FRMD4A: variants seen among roughly 807,000 people sequenced by gnomAD.
FRMD4A encodes FERM domain-containing protein 4A.
In FRMD4A, 29 loss-of-function variants were observed where a neutral mutation model predicts 129.1. That is an observed-to-expected ratio of 0.22 (90% CI 0.17 to 0.31). The LOEUF is 0.31. Among genes scored for constraint, FRMD4A ranks in the 10% least tolerant of loss-of-function variants. The pLI, the probability that FRMD4A is intolerant of heterozygous loss-of-function variation, is 1.00. For missense variants in FRMD4A, 1,272 were observed against 1,375.8 expected (o/e 0.92, Z 1.19); for synonymous variants, 634 against 571.6 (o/e 1.11, Z -1.56).
At chr10:13,798,834 C>G (rs1047447914) in intron 4 of FRMD4A, among the ~76,000 whole-genome samples, 3 of 152,242 alleles carry the variant, frequency 2.0e-5, no homozygotes, top group Admixed American at 6.5e-5. Flanking sequence ...AACAGAAGGC[C>G]TGGGTGCCAA....
chr10:14,102,477 C>T (rs1448552402), intron 2 of FRMD4A, among the ~76,000 whole-genome samples: 1 of 152,110 alleles, frequency 6.6e-6, no homozygotes, highest in African/African-American at 2.4e-5. Context: ...TGAGTAATTC[C>T]CTACTTATTT....
chr10:14,311,138 T>C (rs972680872), intron 2 of FRMD4A, among the ~76,000 whole-genome samples: 1 of 152,098 alleles, frequency 6.6e-6, no homozygotes, highest in African/African-American at 2.4e-5. Context: ...TGGCCACCAG[T>C]GCGCCAGCAA....
chr10:14,289,997 C>A (rs779688976), intron 2 of FRMD4A, among the ~76,000 whole-genome samples: 3 of 151,588 alleles, frequency 2.0e-5, no homozygotes, highest in Admixed American at 2.0e-4. Context: ...GAAAAAAATC[C>A]TATTTATAAT....
chr10:14,277,339 T>G (rs767922831), intron 2 of FRMD4A, among the ~76,000 whole-genome samples: 5 of 152,188 alleles, frequency 3.3e-5, no homozygotes, highest in Non-Finnish European at 7.3e-5. Flanking sequence ...GTGATGGTAT[T>G]AGGAAGGGGG....
At chr10:13,693,744 G>T in intron 15 of FRMD4A, 154 bp downstream of exon 15, 1 of 803,732 alleles carries the variant, frequency 1.2e-6, no homozygotes, top group Non-Finnish European at 2.1e-6. Flanking sequence ...TCTCAGATTC[G>T]CATTTGGATC....
chr10:13,823,916 C>T (rs917958576), intron 3 of FRMD4A, among the ~76,000 whole-genome samples: 11 of 152,148 alleles, frequency 7.2e-5, no homozygotes, highest in Admixed American at 2.0e-4. Flanking sequence ...TCCAGTGTAA[C>T]GGACGGAAGG....
chr10:14,258,982 G>A lies in FRMD4A; in HGVS notation c.45+71076C>T, dbSNP rs4558065. On this transcript the variant is annotated intron_variant, in intron 2 of 24. Transcript: ENST00000357447. ...CTGTATAAAATCAGAAATCAGATCA[G>A]CAGTTACTGGGGATGGTGAGGGGTG... 5.1e-3 allele frequency among the ~76,000 whole-genome samples: 778 copies of A among 152,254 alleles called. 8 individuals are homozygous for A. Among genetic ancestry groups the A allele is most frequent in the African/African-American group, 0.018 (734 of 41,542 alleles).
chr10:13,817,540 C>T (rs1285448806), intron 3 of FRMD4A, among the ~76,000 whole-genome samples: 4 of 152,140 alleles, frequency 2.6e-5, no homozygotes, highest in South Asian at 2.1e-4. Context: ...GTGTCAAGGG[C>T]GAGGCCAGGT....
chr10:13,747,846 A>C, intron 8 of FRMD4A, 27 bp from the exon 9 acceptor site: 1 of 1,300,908 alleles, frequency 7.7e-7, no homozygotes, highest in African/African-American at 1.4e-5. Context: ...CCAGAAACGC[A>C]CTCACCCTCT....
Position 14,161,952 on chromosome 10 carries a change from CA to C in FRMD4A, c.45+168105del, listed in dbSNP as rs556432014. On this transcript the variant is annotated intron_variant, in intron 2 of 24. Transcript: ENST00000357447. ...AATATTATGTATCAATATGCAAAGG[CA>C]AAAAAAGGAATAGTTAAAAGTGATT... is the stretch of plus-strand genomic sequence containing the variant. Among the ~76,000 whole-genome samples the C allele has an allele frequency of 3.1e-3, 468 of 149,426 alleles. 2 individuals carry two copies. Among genetic ancestry groups the C allele is most frequent in the Non-Finnish European group, 4.8e-3 (322 of 67,406 alleles).
intron 2 of FRMD4A, among the ~76,000 whole-genome samples, chr10:14,064,185 T>C (rs1834947027): frequency 2.0e-5 from 3 of 152,184 alleles, no homozygotes; most frequent in East Asian, 1.9e-4. Flanking sequence ...CCTTGCAAAA[T>C]GTGACTCAGA....
intron 2 of FRMD4A, among the ~76,000 whole-genome samples, chr10:13,930,722 A>G (rs1277344033): frequency 2.0e-5 from 3 of 152,210 alleles, no homozygotes; most frequent in African/African-American, 7.2e-5. Context: ...ATAACAGTGT[A>G]GAATTAAGAA....
intron 21 of FRMD4A, 100 bp from the exon 22 acceptor site, chr10:13,657,622 C>A: frequency 7.0e-7 from 1 of 1,422,942 alleles, no homozygotes; most frequent in Non-Finnish European, 9.2e-7. Context: ...TGGGTGTCTG[C>A]ACGCGGGCGC....
intron 2 of FRMD4A, among the ~76,000 whole-genome samples, chr10:13,954,138 A>G (rs1019903656): frequency 6.6e-6 from 1 of 152,180 alleles, no homozygotes; most frequent in African/African-American, 2.4e-5. Flanking sequence ...GCTTCTCCGC[A>G]GGTTGGGTTG....
intron 2 of FRMD4A, among the ~76,000 whole-genome samples, chr10:14,058,758 G>A (rs891223103): frequency 5.3e-5 from 8 of 152,122 alleles, no homozygotes; most frequent in Non-Finnish European, 1.0e-4. Flanking sequence ...TATGCCACAG[G>A]GTCCCGGTGA....
rs181591291 is a variant in FRMD4A at position 13,645,289 on chromosome 10, C to A, written c.*1749G>T. The A allele has an allele frequency of 2.6e-5, 4 of 152,038 alleles. No individual in the cohort carries two copies. The highest frequency in any genetic ancestry group is 7.3e-5 in the African/African-American group (3 of 41,366). The allele number at this position is 152,038 out of a possible 1,614,324, so 9.4% of individuals were successfully genotyped here. A position where few individuals can be genotyped will look rare whatever the true frequency, so the allele number is the denominator to read the frequency against. On this transcript the variant is annotated 3_prime_UTR_variant, in exon 25 of 25. Coordinates refer to ENST00000357447, the MANE Select transcript of FRMD4A (RefSeq NM_018027.5). ...CTGCTTTCCCACAAAACTACCCCCA[C>A]CCTGGCTCCTGTCCCTGGCTGTCAA...
At chr10:14,264,518 A>C (rs1844912024) in intron 2 of FRMD4A, among the ~76,000 whole-genome samples, 1 of 152,186 alleles carries the variant, frequency 6.6e-6, no homozygotes, top group Non-Finnish European at 1.5e-5. Context: ...TACTTATCAA[A>C]TACCTCCCAT....
At chr10:13,884,157 C>A (rs1321227845) in intron 2 of FRMD4A, among the ~76,000 whole-genome samples, 8 of 10,588 alleles carry the variant, frequency 7.6e-4, no homozygotes, top group Admixed American at 4.7e-3. Context: ...CACACACTCT[C>A]ACACACACAC....
intron 2 of FRMD4A, among the ~76,000 whole-genome samples, chr10:13,931,885 G>T (rs1424512894): frequency 6.6e-6 from 1 of 152,004 alleles, no homozygotes; most frequent in African/African-American, 2.4e-5. Context: ...GGAGGTGGAG[G>T]TTGCAATAAG....
Sources: gnomAD v4.1 joint callset for allele counts (sites outside exome capture counted in the v4.1 genomes callset) on GRCh38, gnomAD v4.1.1 for gene constraint, MANE v1.5 for transcripts, NCBI Gene and HGNC (gene_info 2026-07-23, HGNC 2026-07-21) for gene names.